Variants in NEDD4 observed in about 807,000 individuals in gnomAD.
NEDD4 encodes E3 ubiquitin-protein ligase NEDD4.
A neutral mutation model predicts 144.9 loss-of-function variants in NEDD4; 99 were observed. The observed-to-expected ratio is 0.68, with a 90% CI of 0.58 to 0.81. NEDD4 has a LOEUF of 0.81. Ranked by LOEUF, NEDD4 falls within the 30% of genes least tolerant of loss-of-function variation. NEDD4 has a pLI of 0.00. For missense variants in NEDD4, 985 were observed against 1,065.9 expected, an observed-to-expected ratio of 0.92 and a Z score of 1.06; for synonymous variants, 318 against 350.6, an observed-to-expected ratio of 0.91 and a Z score of 1.04.
In NEDD4 at chr15:55,916,007, A is replaced by T; in HGVS notation, c.291+8639T>A. On this transcript the variant is annotated intron_variant, in intron 5 of 28. Transcript: ENST00000435532. Reference sequence around the variant, plus strand: ...GACTTGTTGGAGAAGTCGGTCGGGTAGTTGAAGGACTCCTAGGAAAAATGA... The same window carrying T: ...GACTTGTTGGAGAAGTCGGTCGGGTTGTTGAAGGACTCCTAGGAAAAATGA... The T allele has an allele frequency of 1.2e-6, 2 of 1,613,874 alleles. 1 individual carries two copies. Among genetic ancestry groups the T allele is most frequent in the South Asian group, 2.2e-5 (2 of 91,076 alleles).
At chr15:55,965,939 AC>A (rs1481419871) in intron 2 of NEDD4, among the ~76,000 whole-genome samples, 1 of 152,142 alleles carries the variant, frequency 6.6e-6, no homozygotes, top group Non-Finnish European at 1.5e-5. Context: ...GGCATGAGCC[AC>A]CATGCCTGGC....
intron 27 of NEDD4, among the ~76,000 whole-genome samples, chr15:55,831,495 A>G (rs922139179): frequency 6.6e-6 from 1 of 152,198 alleles, no homozygotes; most frequent in African/African-American, 2.4e-5. Context: ...ATTTTTCGCT[A>G]CTAACTTGTT....
chr15:55,986,488 G>C (rs1197016267), intron 1 of NEDD4, among the ~76,000 whole-genome samples: 5 of 151,178 alleles, frequency 3.3e-5, no homozygotes, highest in African/African-American at 1.2e-4. Context: ...CCTGCCAAGA[G>C]AGCGTGACCT....
intron 4 of NEDD4, among the ~76,000 whole-genome samples, chr15:55,948,751 A>G (rs1435885635): frequency 6.6e-6 from 1 of 152,212 alleles, no homozygotes; most frequent in Non-Finnish European, 1.5e-5. Context: ...GGCGAGCCAT[A>G]TGTAGAAAGC....
At chr15:55,944,707 T>G (rs1180874672) in intron 4 of NEDD4, among the ~76,000 whole-genome samples, 1 of 152,198 alleles carries the variant, frequency 6.6e-6, no homozygotes, top group African/African-American at 2.4e-5. Context: ...GACCCCCGTG[T>G]AGCCTAACTG....
intron 12 of NEDD4, 44 bp from the exon 13 acceptor site, chr15:55,852,587 GA>G (rs1219125432): frequency 1.3e-6 from 2 of 1,592,036 alleles, no homozygotes; most frequent in African/African-American, 2.7e-5. Context: ...TCAAGTTTAA[GA>G]ATCCTTCTAT....
At chr15:55,830,283 C>T (rs1322015045) in intron 28 of NEDD4, among the ~76,000 whole-genome samples, 1 of 152,242 alleles carries the variant, frequency 6.6e-6, no homozygotes, top group African/African-American at 2.4e-5. Flanking sequence ...CAGCCCATCA[C>T]TCATCACTCA....
intron 5 of NEDD4, among the ~76,000 whole-genome samples, chr15:55,881,710 C>T (rs2035199561): frequency 6.6e-6 from 1 of 152,022 alleles, no homozygotes; most frequent in Non-Finnish European, 1.5e-5. Flanking sequence ...ACAGAATACA[C>T]TGAACATCTG....
At chr15:55,835,063 A>C (rs62046642) in intron 24 of NEDD4, among the ~76,000 whole-genome samples, 14,105 of 152,212 alleles carry the variant, frequency 0.093, 706 homozygotes, top group Middle Eastern at 0.15. Flanking sequence ...ACCTACCTTT[A>C]AAACAAAGCA....
chr15:55,896,801 T>A (rs2035751970), intron 5 of NEDD4, among the ~76,000 whole-genome samples: 1 of 152,160 alleles, frequency 6.6e-6, no homozygotes. Flanking sequence ...TATAGAAATG[T>A]TAAGGAAAAC....
intron 4 of NEDD4, among the ~76,000 whole-genome samples, chr15:55,930,065 A>T (rs2036750228): frequency 1.3e-5 from 2 of 152,230 alleles, no homozygotes; most frequent in African/African-American, 4.8e-5. Context: ...AGAGTCAGTG[A>T]AAGAATTAAC....
chr15:55,912,202 A>C (rs751917149), intron 5 of NEDD4, among the ~76,000 whole-genome samples: 1 of 152,244 alleles, frequency 6.6e-6, no homozygotes, highest in Non-Finnish European at 1.5e-5. Flanking sequence ...AAATCTCTCT[A>C]AATATTCTGC....
intron 2 of NEDD4, among the ~76,000 whole-genome samples, chr15:55,962,469 G>A (rs2037442297): frequency 6.6e-6 from 1 of 152,096 alleles, no homozygotes; most frequent in Non-Finnish European, 1.5e-5. Flanking sequence ...TTGAGATGGA[G>A]TTTCACTCTT....
intron 5 of NEDD4, among the ~76,000 whole-genome samples, chr15:55,892,159 G>C (rs950450793): frequency 1.3e-5 from 2 of 151,744 alleles, no homozygotes; most frequent in African/African-American, 4.8e-5. Flanking sequence ...CCAGCTACTC[G>C]TGAGGCAGAG....
intron 2 of NEDD4, chr15:55,952,724 G>C (rs1303444874): frequency 6.6e-6 from 1 of 152,148 alleles, no homozygotes; most frequent in Non-Finnish European, 1.5e-5. Flanking sequence ...CTGAACTTTG[G>C]AGCCTTGCGT....
At chr15:55,912,907 T>G (rs574051335) in intron 5 of NEDD4, among the ~76,000 whole-genome samples, 3 of 152,122 alleles carry the variant, frequency 2.0e-5, no homozygotes, top group African/African-American at 7.2e-5. Flanking sequence ...ATTATGGAGA[T>G]AGACTACAAA....
At chr15:55,901,918 T>C (rs187581699) in intron 5 of NEDD4, among the ~76,000 whole-genome samples, 6 of 152,118 alleles carry the variant, frequency 3.9e-5, no homozygotes, top group Non-Finnish European at 8.8e-5. Flanking sequence ...ATAAATTTTA[T>C]ATTATATAAA....
At chr15:55,936,379 C>T (rs765658554) in intron 4 of NEDD4, among the ~76,000 whole-genome samples, 21 of 151,564 alleles carry the variant, frequency 1.4e-4, no homozygotes, top group Admixed American at 9.2e-4. Context: ...AATTTGTGTG[C>T]GTATGTAGGT....
At chr15:55,960,299 C>T (rs1293672432) in intron 2 of NEDD4, among the ~76,000 whole-genome samples, 3 of 152,208 alleles carry the variant, frequency 2.0e-5, no homozygotes, top group South Asian at 4.1e-4. Context: ...GAGGCAGACA[C>T]ACCCTCAATC....
Sources: gnomAD v4.1 joint callset for allele counts (sites outside exome capture counted in the v4.1 genomes callset) on GRCh38, gnomAD v4.1.1 for gene constraint, MANE v1.5 for transcripts, NCBI Gene and HGNC (gene_info 2026-07-23, HGNC 2026-07-21) for gene names.